The following NTRK2 variants were observed in gnomAD, a reference collection of about 807,000 sequenced individuals.
NTRK2 encodes the protein neurotrophic receptor tyrosine kinase 2.
NTRK2 carries 13 observed loss-of-function variants against 94.5 expected under a neutral mutation model. The observed-to-expected ratio is 0.14, with a 90% confidence interval of 0.09 to 0.22. NTRK2 has a LOEUF of 0.22. Among genes scored for constraint, NTRK2 ranks in the 10% least tolerant of loss-of-function variants. The probability of loss-of-function intolerance (pLI) is 1.00; values close to 1 mark genes in which losing one functional copy is unlikely to be tolerated. For missense variants in NTRK2, 639 were observed against 1,071.2 expected (o/e 0.60, Z 5.63); for synonymous variants, 372 against 407.4 (o/e 0.91, Z 1.05).
chr9:84,719,813 G>C (rs1208674955), intron 6 of NTRK2, among the ~76,000 whole-genome samples: 4 of 152,022 alleles, frequency 2.6e-5, no homozygotes, highest in Admixed American at 1.3e-4. Flanking sequence ...GAGCTCAGGA[G>C]TTTGAGACCA....
intron 2 of NTRK2, 84 bp downstream of exon 2, chr9:84,671,044 C>A: frequency 1.6e-6 from 2 of 1,288,126 alleles, no homozygotes; most frequent in Non-Finnish European, 2.2e-6. Flanking sequence ...GAAGTGAATG[C>A]TGTCCCAAGA....
intron 2 of NTRK2, among the ~76,000 whole-genome samples, chr9:84,694,537 A>G (rs928452993): frequency 2.6e-5 from 4 of 152,194 alleles, no homozygotes; most frequent in Non-Finnish European, 5.9e-5. Flanking sequence ...TGAGAGTCTG[A>G]TCTTCCGTAT....
intron 12 of NTRK2, among the ~76,000 whole-genome samples, chr9:84,766,835 C>A (rs561707905): frequency 2.4e-4 from 37 of 152,182 alleles, no homozygotes; most frequent in Non-Finnish European, 4.7e-4. Flanking sequence ...ACATAATATG[C>A]ACACATTCAA....
intron 12 of NTRK2, among the ~76,000 whole-genome samples, chr9:84,789,346 G>A (rs998234508): frequency 8.5e-5 from 13 of 152,174 alleles, no homozygotes; most frequent in Admixed American, 8.5e-4. Flanking sequence ...TGAATTAATT[G>A]TATCTGCTCC....
At chr9:84,794,813 T>C (rs1421803064) in intron 12 of NTRK2, among the ~76,000 whole-genome samples, 1 of 152,150 alleles carries the variant, frequency 6.6e-6, no homozygotes, top group East Asian at 1.9e-4. Context: ...CATGTCTTGA[T>C]CTAAAAAGAA....
chr9:84,828,846 G>A (rs987374540), intron 12 of NTRK2, among the ~76,000 whole-genome samples: 20 of 152,146 alleles, frequency 1.3e-4, no homozygotes, highest in African/African-American at 4.8e-4. Flanking sequence ...AGTGCAGTAG[G>A]CTCCTGGGGA....
intron 14 of NTRK2, among the ~76,000 whole-genome samples, chr9:84,925,850 C>G (rs2077746352): frequency 6.6e-6 from 1 of 152,148 alleles, no homozygotes; most frequent in African/African-American, 2.4e-5. Flanking sequence ...TTACCATGCT[C>G]AAAGGTCTTC....
intron 2 of NTRK2, among the ~76,000 whole-genome samples, chr9:84,688,340 C>T (rs1173504192): frequency 1.3e-5 from 2 of 152,160 alleles, no homozygotes; most frequent in Non-Finnish European, 2.9e-5. Flanking sequence ...TGCTTTTGTG[C>T]TATGACGATG....
chr9:85,001,290 T>G (rs1830314740), intron 17 of NTRK2, among the ~76,000 whole-genome samples: 5 of 152,222 alleles, frequency 3.3e-5, no homozygotes, highest in Admixed American at 2.6e-4. Flanking sequence ...TGGGTCACCC[T>G]TGGGCAGCCA....
At chr9:84,720,233 T>C (rs1254914014) in intron 6 of NTRK2, among the ~76,000 whole-genome samples, 1 of 152,022 alleles carries the variant, frequency 6.6e-6, no homozygotes, top group Non-Finnish European at 1.5e-5. Context: ...AAACACTGTA[T>C]TGGTTGAAAG....
chr9:84,903,172 G>A (rs183402263), intron 14 of NTRK2, among the ~76,000 whole-genome samples: 10 of 152,314 alleles, frequency 6.6e-5, no homozygotes, highest in Admixed American at 5.9e-4. Context: ...AAATAATACA[G>A]TGCAGATGGA....
intron 17 of NTRK2, among the ~76,000 whole-genome samples, chr9:84,960,737 A>G (rs376288789): frequency 4.3e-4 from 66 of 152,326 alleles, no homozygotes; most frequent in African/African-American, 1.3e-3. Flanking sequence ...TATACTCCAT[A>G]CAAAGAGGCA....
At chr9:84,783,412 A>T (rs1026624314) in intron 12 of NTRK2, among the ~76,000 whole-genome samples, 1 of 152,230 alleles carries the variant, frequency 6.6e-6, no homozygotes, top group Non-Finnish European at 1.5e-5. Flanking sequence ...TTCCTGAGTC[A>T]GATTCATCCC....
At chr9:84,922,242 A>T (rs2077590700) in intron 14 of NTRK2, among the ~76,000 whole-genome samples, 1 of 152,192 alleles carries the variant, frequency 6.6e-6, no homozygotes, top group Admixed American at 6.5e-5. Context: ...GCATCCTGCC[A>T]TCCTGGAAAT....
At chr9:84,867,037 G>A (rs148394233) in intron 13 of NTRK2, among the ~76,000 whole-genome samples, 14 of 152,058 alleles carry the variant, frequency 9.2e-5, no homozygotes, top group Admixed American at 5.9e-4. Context: ...GAATGTCTAC[G>A]GCTGAAAGTG....
At chr9:85,004,651 A>T (rs995197566) in intron 17 of NTRK2, among the ~76,000 whole-genome samples, 2 of 152,186 alleles carry the variant, frequency 1.3e-5, no homozygotes, top group Non-Finnish European at 2.9e-5. Context: ...AGAGGCAGAA[A>T]GGAAGATGCA....
rs199817471 is a variant in NTRK2 at position 84,727,910 on chromosome 9, T to C, written c.1110T>C (p.Asp370=). ...TLIAKNEYGK[D]EKQISAHFMG... Reference sequence around the variant, plus strand: ...TAGCCAAGAATGAGTATGGGAAGGATGAGAAACAGATTTCTGCTCACTTCA... The same window carrying C: ...TAGCCAAGAATGAGTATGGGAAGGACGAGAAACAGATTTCTGCTCACTTCA... The change falls in exon 9 of 19, where the codon GAT becomes GAC. Residue 370 remains aspartate (D), a synonymous_variant. Transcript: ENST00000277120. 1.1e-5 allele frequency: 17 copies of C among 1,614,022 alleles called. No homozygotes were observed. The highest frequency in any genetic ancestry group is 1.4e-5 in the Non-Finnish European group (17 of 1,179,896).
chr9:84,693,211 G>A (rs2060161505), intron 2 of NTRK2, among the ~76,000 whole-genome samples: 1 of 152,174 alleles, frequency 6.6e-6, no homozygotes, highest in Admixed American at 6.5e-5. Context: ...GTGACCTCTG[G>A]CTGATCATCA....
intron 14 of NTRK2, among the ~76,000 whole-genome samples, chr9:84,878,734 C>G (rs781054320): frequency 4.0e-5 from 6 of 151,838 alleles, no homozygotes; most frequent in Non-Finnish European, 7.4e-5. Context: ...ATCTCAATAA[C>G]TGGATTTTTA....
Sources: allele counts gnomAD v4.1 joint callset (sites outside exome capture counted in the v4.1 genomes callset), GRCh38; gene constraint gnomAD v4.1.1; transcripts MANE v1.5; gene names NCBI Gene and HGNC (gene_info 2026-07-23, HGNC 2026-07-21).